The following ARFIP2 variants were observed in gnomAD, a reference collection of about 807,000 sequenced individuals.
The protein encoded by ARFIP2 is arfaptin-2.
ARFIP2 carries 14 observed loss-of-function variants against 39.2 expected under a neutral mutation model. The ratio of observed to expected loss-of-function variants is 0.36; its 90% CI spans 0.24 to 0.56. ARFIP2 has a LOEUF of 0.56. ARFIP2 is among the 20% of genes least tolerant of loss of function. The probability of loss-of-function intolerance (pLI) is 0.85; values close to 1 mark genes in which losing one functional copy is unlikely to be tolerated. For missense variants in ARFIP2, 305 were observed against 422.5 expected (o/e 0.72, Z 2.44); for synonymous variants, 167 against 172.4 (o/e 0.97, Z 0.24).
In ARFIP2 at chr11:6,481,289, G is replaced by A. The variant is rs1851744890; in HGVS notation, c.-101C>T. On this transcript the variant is annotated 5_prime_UTR_variant, in exon 1 of 8. Coordinates refer to ENST00000396777, the MANE Select transcript of ARFIP2 (RefSeq NM_001376558.2). ...AGGCCCGGGCCGCGCGGGGACCTCG[G>A]GCTCCAGTTCCCGTCGCGATCCTAG... 4 of 666,546 alleles carry A rather than the reference G, an allele frequency of 6.0e-6. No individual in the cohort carries two copies. In the East Asian group the frequency reaches 8.3e-5, roughly 14 times the overall value. The allele number at this position is 666,546 out of a possible 1,614,324, so 41.3% of individuals were successfully genotyped here. A position where few individuals can be genotyped will look rare whatever the true frequency, so the allele number is the denominator to read the frequency against.
rs374981587 is a variant in ARFIP2 at position 6,478,249 on chromosome 11, G to A, written c.538-51C>T. 1.3e-5 allele frequency: 21 copies of A among 1,604,956 alleles called. No homozygotes were observed. The African/African-American group carries it at 2.4e-4, about 18-fold the overall frequency. ...CTTGAATAACACTCCCTACCTGACT[G>A]AAGCTGTAGAGCCCTTCATTCCCCT... is the stretch of plus-strand genomic sequence containing the variant. On this transcript the variant is annotated intron_variant, in intron 5 of 7. Coordinates refer to ENST00000396777, the MANE Select transcript of ARFIP2 (RefSeq NM_001376558.2). The surrounding 1 kb of genome is among the most constrained non-coding windows in gnomAD (Gnocchi z 4.8).
Position 6,477,044 on chromosome 11 carries a change from C to A in ARFIP2, c.*69G>T. The A allele has an allele frequency of 6.7e-7, 1 of 1,500,890 alleles. No individual in the cohort carries two copies. The highest frequency in any genetic ancestry group is 9.0e-7 in the Non-Finnish European group (1 of 1,115,862). The allele number at this position is 1,500,890 out of a possible 1,614,324, so 93.0% of individuals were successfully genotyped here. A position where few individuals can be genotyped will look rare whatever the true frequency, so the allele number is the denominator to read the frequency against. On this transcript the variant is annotated 3_prime_UTR_variant, in exon 8 of 8. Transcript: ENST00000396777. The surrounding 1 kb of genome is among the most constrained non-coding windows in gnomAD (Gnocchi z 4.8). ...CAAGTGACAAAGGATGTACCATGTCCAATCTCCCACACCCTGGGGCTGCCC... is the reference window on the plus strand; with the variant it reads ...CAAGTGACAAAGGATGTACCATGTCAAATCTCCCACACCCTGGGGCTGCCC...
rs376794616 is a variant in ARFIP2 at position 6,477,824 on chromosome 11, C to T, written c.764G>A (p.Arg255His). 1.9e-5 allele frequency: 30 copies of T among 1,613,866 alleles called. No homozygotes were observed. The highest frequency in any genetic ancestry group is 3.3e-5 in the Admixed American group (2 of 59,980). ...GGCCTGGGCACTCTCAAGTCGACCACGTGTCCCTGCATCCCGGGGGCCTAG... is the reference window on the plus strand; with the variant it reads ...GGCCTGGGCACTCTCAAGTCGACCATGTGTCCCTGCATCCCGGGGGCCTAG... ...LSLGPRDAGT[R>H]GRLESAQATF... The change falls in exon 7 of 8, where the codon CGT becomes CAT. Residue 255 changes from arginine to histidine, a missense_variant. Physicochemically the swap from Arg to His is conservative, Grantham distance 29. Coordinates refer to ENST00000396777, the MANE Select transcript of ARFIP2 (RefSeq NM_001376558.2). This position sits in a 1 kb window ranked among gnomAD's most constrained non-coding sequence, Gnocchi z 4.8.
rs968559602 is a variant in ARFIP2, at chr11:6,477,080, CT to C, written c.*32del. ...ACCCTGGGGCTGCCCTTCCCAATGT[CT>C]TTCTTGATAGCCAAGTTGGGCTGGG... On this transcript the variant is annotated 3_prime_UTR_variant, in exon 8 of 8. Transcript: ENST00000396777. This position sits in a 1 kb window ranked among gnomAD's most constrained non-coding sequence, Gnocchi z 4.8. 1 of 1,591,106 alleles carries C rather than the reference CT, an allele frequency of 6.3e-7. No homozygotes were observed. Among genetic ancestry groups the C allele is most frequent in the Non-Finnish European group, 8.6e-7 (1 of 1,165,362 alleles).
intron 1 of ARFIP2, chr11:6,480,670 C>G (rs1400780084): frequency 4.6e-6 from 2 of 435,938 alleles, no homozygotes; most frequent in Admixed American, 4.1e-5. Context: ...CACAAGCCCC[C>G]AACCTCACCA....
chr11:6,480,658 C>T, intron 1 of ARFIP2, 195 bp from the exon 2 acceptor site: 1 of 457,152 alleles, frequency 2.2e-6, no homozygotes, highest in Non-Finnish European at 3.9e-6. Flanking sequence ...ACGGTGTCTT[C>T]TCACAAGCCC....
chr11:6,480,201 C>A (rs1018763534), intron 2 of ARFIP2, 122 bp downstream of exon 2: 21 of 1,269,872 alleles, frequency 1.7e-5, no homozygotes, highest in Non-Finnish European at 2.3e-5. Flanking sequence ...CAAAATGATA[C>A]GTAAAAAGAA....
In ARFIP2 at chr11:6,477,925, TC is replaced by T; in HGVS notation, c.696-34del. On this transcript the variant is annotated intron_variant, in intron 6 of 7. Coordinates refer to ENST00000396777, the MANE Select transcript of ARFIP2 (RefSeq NM_001376558.2). The surrounding 1 kb of genome is among the most constrained non-coding windows in gnomAD (Gnocchi z 4.8). ...GGGGGTGATAAAGGCTGGTCTCCAC[TC>T]CTTTATCCTCAACACATACTCTCCT... 1 of 1,611,172 alleles carries T rather than the reference TC, an allele frequency of 6.2e-7. No homozygotes were observed. The highest frequency in any genetic ancestry group is 8.5e-7 in the Non-Finnish European group (1 of 1,178,028).
rs1313670986 is a variant in ARFIP2 at position 6,478,160 on chromosome 11, T to C, written c.576A>G (p.Leu192=). The change falls in exon 6 of 8, where the codon CTA becomes CTG. Residue 192 remains leucine (L), a synonymous_variant. Transcript: ENST00000396777. The surrounding 1 kb of genome is among the most constrained non-coding windows in gnomAD (Gnocchi z 4.8). Reference sequence around the variant, plus strand: ...CTAGCAGCGTTTCCCCATTCTTGCATAGTAGTTTCTGTGTCTCTGCATTGT... The same window carrying C: ...CTAGCAGCGTTTCCCCATTCTTGCACAGTAGTTTCTGTGTCTCTGCATTGT... ...FGYNAETQKL[L]CKNGETLLGA... is the part of the protein sequence containing the mutation. The C allele has an allele frequency of 1.2e-6, 2 of 1,614,062 alleles. No homozygotes were observed. Among genetic ancestry groups the C allele is most frequent in the East Asian group, 2.2e-5 (1 of 44,872 alleles).
At position 6,478,337 on chromosome 11, in the gene ARFIP2, C is replaced by G. The variant is rs1851321373; in HGVS notation, c.538-139G>C. On this transcript the variant is annotated intron_variant, in intron 5 of 7. Transcript: ENST00000396777. The surrounding 1 kb of genome is among the most constrained non-coding windows in gnomAD (Gnocchi z 4.8). ...ACCAAGGACTGCCTCCAGCAAGGCT[C>G]TCTTAGCCGGAAAGTTAGTGGGATC... The G allele has an allele frequency of 5.1e-6, 6 of 1,171,358 alleles. No homozygotes were observed. The African/African-American group carries it at 6.1e-5, about 12-fold the overall frequency. 72.6% of individuals were successfully genotyped at this position (1,171,358 alleles called of 1,614,324 possible).
At chr11:6,479,757 C>A in intron 3 of ARFIP2, 1 of 584,608 alleles carries the variant, frequency 1.7e-6, no homozygotes, top group South Asian at 2.1e-5. Flanking sequence ...AGGGAAAGGA[C>A]AAATGAGCCA....
In ARFIP2 at chr11:6,477,724, T is replaced by A; in HGVS notation, c.864A>T (p.Glu288Asp). 6.2e-7 allele frequency: 1 copy of A among 1,613,750 alleles called. No individual in the cohort carries two copies. The highest frequency in any genetic ancestry group is 8.5e-7 in the Non-Finnish European group (1 of 1,179,854). Residue 288 changes from glutamate to aspartate, a missense_variant, in exon 7 of 8, where the codon GAA becomes GAT. Glu to Asp is a conservative substitution (Grantham distance 45, BLOSUM62 2). Transcript: ENST00000396777. The surrounding 1 kb of genome is among the most constrained non-coding windows in gnomAD (Gnocchi z 4.8). ...AAGGGGGTGGGGTTGGCACCTTGTT[T>A]TCTTCCAGGAACTTGAGCTTGATGG... ...DVAIKLKFLEENKIKVMHKQL... is the reference protein window; with the variant it reads ...DVAIKLKFLEDNKIKVMHKQL...
At position 6,478,151 on chromosome 11, in the gene ARFIP2, A is replaced by T. The variant is rs753146918; in HGVS notation, c.585T>A (p.Asn195Lys). 2 of 1,613,886 alleles carry T rather than the reference A, an allele frequency of 1.2e-6. No individual in the cohort carries two copies. Among genetic ancestry groups the T allele is most frequent in the Non-Finnish European group, 1.7e-6 (2 of 1,179,974 alleles). ...NAETQKLLCK[N>K]GETLLGAVNF... ...TCACGGCTCCTAGCAGCGTTTCCCC[A>T]TTCTTGCATAGTAGTTTCTGTGTCT... Residue 195 changes from asparagine (N) to lysine (K), a missense_variant, in exon 6 of 8, where the codon AAT becomes AAA. By Grantham distance (94) the Asn-to-Lys change is moderately conservative. Coordinates refer to ENST00000396777, the MANE Select transcript of ARFIP2 (RefSeq NM_001376558.2). This position sits in a 1 kb window ranked among gnomAD's most constrained non-coding sequence, Gnocchi z 4.8.
In ARFIP2 at chr11:6,478,855, A is replaced by G. The variant is rs960395912; in HGVS notation, c.420T>C (p.Tyr140=). The change falls in exon 5 of 8, where the codon TAT becomes TAC. Residue 140 remains tyrosine, a synonymous_variant. Transcript: ENST00000396777. The surrounding 1 kb of genome is among the most constrained non-coding windows in gnomAD (Gnocchi z 4.8). ...CCCGGCCCAGCTGCAGGACACTCTC[A>G]TACTTGCGCTTCGTCTCACGCAGCA... ...IELLRETKRK[Y]ESVLQLGRAL... is the part of the protein sequence containing the mutation. The G allele has an allele frequency of 1.2e-6, 2 of 1,614,192 alleles. No individual in the cohort carries two copies. Among genetic ancestry groups the G allele is most frequent in the African/African-American group, 1.3e-5 (1 of 75,022 alleles).
chr11:6,480,368 C>G lies in ARFIP2; in HGVS notation c.54G>C (p.Gly18=), dbSNP rs372839628. The change falls in exon 2 of 8, where the codon GGG becomes GGC. Residue 18 remains glycine, a synonymous_variant. Coordinates refer to ENST00000396777, the MANE Select transcript of ARFIP2 (RefSeq NM_001376558.2). Reference sequence around the variant, plus strand: ...CAGGAAGCTGCCTGGCTTCGCCGTTCCCGTGGATAGGGATCTCCATTGTGG... The same window carrying G: ...CAGGAAGCTGCCTGGCTTCGCCGTTGCCGTGGATAGGGATCTCCATTGTGG... The part of the protein sequence containing the change: ...KAATMEIPIH[G]NGEARQLPED... The G allele has an allele frequency of 6.2e-6, 10 of 1,613,690 alleles. No homozygotes were observed. In the African/African-American group the frequency reaches 1.3e-4, roughly 22 times the overall value.
chr11:6,480,168 C>T, intron 2 of ARFIP2, 100 bp from the exon 3 acceptor site: 1 of 1,303,878 alleles, frequency 7.7e-7, no homozygotes, highest in Non-Finnish European at 1.1e-6. Context: ...AAAGATAGTA[C>T]ACAAGGGAAG....
At position 6,479,974 on chromosome 11, in the gene ARFIP2, G is replaced by A. The variant is rs759101342; in HGVS notation, c.194C>T (p.Thr65Ile). 4 of 1,613,308 alleles carry A rather than the reference G, an allele frequency of 2.5e-6. No homozygotes were observed. The highest frequency in any genetic ancestry group is 4.5e-5 in the East Asian group (2 of 44,886). ...TTCCTGTTTCTGAACATTCATACCT[G>A]TGGGGATGAGTCCATCACCAGAGCC... is the stretch of plus-strand genomic sequence containing the variant. The part of the protein sequence containing the change: ...YGGSGDGLIP[T>I]GSGRHPSHST... Residue 65 changes from threonine to isoleucine, a missense_variant and splice_region_variant, in exon 3 of 8, where the codon ACA becomes ATA. Thr to Ile is a moderately conservative substitution (Grantham distance 89). Coordinates refer to ENST00000396777, the MANE Select transcript of ARFIP2 (RefSeq NM_001376558.2).
chr11:6,480,813 T>C (rs1851665725), intron 1 of ARFIP2: 2 of 184,962 alleles, frequency 1.1e-5, no homozygotes, highest in South Asian at 1.0e-4. Context: ...CTTATCTCCA[T>C]GCAGGCGTGT....
At position 6,476,887 on chromosome 11, in the gene ARFIP2, G is replaced by C. The variant is rs1270068459; in HGVS notation, c.*226C>G. On this transcript the variant is annotated 3_prime_UTR_variant, in exon 8 of 8. Coordinates refer to ENST00000396777, the MANE Select transcript of ARFIP2 (RefSeq NM_001376558.2). ...CTGTGAAGTGGAAGGAAAAGATCTG[G>C]GAATGAAGCCCTGTGGCCAGGAAGA... 3 of 489,880 alleles carry C rather than the reference G, an allele frequency of 6.1e-6. No individual in the cohort carries two copies. The highest frequency in any genetic ancestry group is 1.1e-5 in the Non-Finnish European group (3 of 277,396). 30.3% of individuals were successfully genotyped at this position (489,880 alleles called of 1,614,324 possible). A position where few individuals can be genotyped will look rare whatever the true frequency, so the allele number is the denominator to read the frequency against.
Sources: allele counts gnomAD v4.1 joint callset, GRCh38; gene constraint gnomAD v4.1.1; non-coding constraint Gnocchi (gnomAD v3.1); transcripts MANE v1.5; gene names NCBI Gene and HGNC (gene_info 2026-07-23, HGNC 2026-07-21).